The following RYR2 variants were observed in gnomAD, a reference collection of about 807,000 sequenced individuals.
RYR2 encodes cardiac muscle ryanodine receptor-calcium release channel.
In RYR2, 227 loss-of-function variants were observed where a neutral mutation model predicts 601.1. The observed-to-expected ratio is 0.38, with a 90% CI of 0.34 to 0.42. The LOEUF is 0.42. Ranked by LOEUF, RYR2 falls within the 10% of genes least tolerant of loss-of-function variation. RYR2 has a pLI of 1.00. For missense variants in RYR2, 4,646 were observed against 6,156.5 expected (o/e 0.75, Z 8.21); for synonymous variants, 2,223 against 2,175.1 (o/e 1.02, Z -0.61).
At chr1:237,248,933 T>C (rs1203853132) in intron 1 of RYR2, among the ~76,000 whole-genome samples, 2 of 152,002 alleles carry the variant, frequency 1.3e-5, no homozygotes, top group African/African-American at 4.8e-5. Context: ...GGCTAATGTT[T>C]TTTGTAGTTT....
intron 2 of RYR2, among the ~76,000 whole-genome samples, chr1:237,277,574 T>G (rs959811363): frequency 6.6e-6 from 1 of 152,186 alleles, no homozygotes; most frequent in East Asian, 1.9e-4. Context: ...CCACATAACC[T>G]GGCAACATAG....
At chr1:237,796,424 C>T (rs1439900947) in intron 96 of RYR2, among the ~76,000 whole-genome samples, 1 of 152,128 alleles carries the variant, frequency 6.6e-6, no homozygotes, top group Non-Finnish European at 1.5e-5. Flanking sequence ...AGAGAATCCC[C>T]CGGCTCAAAT....
chr1:237,416,759 C>CGGAGAG (rs1705032804), intron 10 of RYR2, among the ~76,000 whole-genome samples: 1 of 138,914 alleles, frequency 7.2e-6, no homozygotes, highest in Non-Finnish European at 1.6e-5. Flanking sequence ...AACACACACA[C>CGGAGAG]ACACAGAGAG....
At chr1:237,201,022 C>T (rs1418164815) in intron 1 of RYR2, among the ~76,000 whole-genome samples, 3 of 152,234 alleles carry the variant, frequency 2.0e-5, no homozygotes, top group Non-Finnish European at 1.5e-5. Flanking sequence ...CTCATTACTT[C>T]TATTCCTTCT....
intron 1 of RYR2, among the ~76,000 whole-genome samples, chr1:237,054,580 A>G (rs1400734363): frequency 6.6e-6 from 1 of 152,108 alleles, no homozygotes; most frequent in East Asian, 1.9e-4. Flanking sequence ...GAGTGGGTTT[A>G]TTCTTCTCAA....
At chr1:237,674,314 T>C in intron 59 of RYR2, 95 bp downstream of exon 59, 1 of 993,178 alleles carries the variant, frequency 1.0e-6, no homozygotes, top group Non-Finnish European at 1.5e-6. Flanking sequence ...AATTCAATGA[T>C]CTGTTTACAC....
intron 38 of RYR2, among the ~76,000 whole-genome samples, chr1:237,623,359 G>GTTTCTTTCTTTCTTTGTTTGTTTCTTTC (rs35848815): frequency 0.022 from 1,055 of 48,620 alleles, 107 homozygotes; most frequent in Non-Finnish European, 0.032. Flanking sequence ...GCCTTTCTTT[G>GTTTCTTTCTTTCTTTGTTTGTTTCTTTC]TTTCTTTCTT....
chr1:237,698,471 A>C (rs1211436673), intron 63 of RYR2, among the ~76,000 whole-genome samples: 1 of 152,102 alleles, frequency 6.6e-6, no homozygotes, highest in East Asian at 1.9e-4. Context: ...CAAGGAAATT[A>C]ATTTACCTTC....
chr1:237,698,827 C>G (rs1179221616), intron 63 of RYR2, 138 bp from the exon 64 acceptor site: 18 of 526,986 alleles, frequency 3.4e-5, no homozygotes, highest in Non-Finnish European at 5.4e-5. Flanking sequence ...TGCATGATTT[C>G]AAACTTGATT....
intron 80 of RYR2, among the ~76,000 whole-genome samples, chr1:237,744,192 A>G: frequency 6.6e-6 from 1 of 152,318 alleles, no homozygotes; most frequent in Non-Finnish European, 1.5e-5. Flanking sequence ...CATTTGCTAA[A>G]AGAAAACATT....
chr1:237,276,130 C>T (rs1033589190), intron 2 of RYR2, among the ~76,000 whole-genome samples: 12 of 152,160 alleles, frequency 7.9e-5, no homozygotes, highest in African/African-American at 2.2e-4. Flanking sequence ...GATGGAGTCT[C>T]GCTCTGTTGC....
intron 10 of RYR2, among the ~76,000 whole-genome samples, chr1:237,407,968 T>C (rs1389634495): frequency 6.6e-6 from 1 of 152,154 alleles, no homozygotes; most frequent in Non-Finnish European, 1.5e-5. Flanking sequence ...GCCAGTCCTT[T>C]CCCAGATATG....
At position 237,584,657 on chromosome 1, in the gene RYR2, T is replaced by TTTTTTG. The variant is rs1559066726; in HGVS notation, c.3599-5131_3599-5130insGTTTTT. The stretch of plus-strand genomic sequence containing the variant: ...AATCCAGCTCACCACCTGTTTTTTT[T>TTTTTTG]TTTTTTTTTTTTTTTTGAGACAGGG... On this transcript the variant is annotated intron_variant, in intron 29 of 104. Transcript: ENST00000366574. Among the ~76,000 whole-genome samples, 13 of 135,682 alleles carry TTTTTTG rather than the reference T, an allele frequency of 9.6e-5. 1 individual carries two copies. The highest frequency in any genetic ancestry group is 5.1e-4 in the South Asian group (2 of 3,942). The allele number at this position is 135,682 out of a possible 152,430, so 89.0% of individuals were successfully genotyped here. A position where few individuals can be genotyped will look rare whatever the true frequency, so the allele number is the denominator to read the frequency against.
Position 237,180,600 on chromosome 1 carries a change from A to G in RYR2, c.49-89897A>G, listed in dbSNP as rs369810982. Among the ~76,000 whole-genome samples, 19 of 123,862 alleles carry G rather than the reference A, an allele frequency of 1.5e-4. No homozygotes were observed. The highest frequency in any genetic ancestry group is 2.3e-4 in the Non-Finnish European group (14 of 59,878). 81.3% of individuals were successfully genotyped at this position (123,862 alleles called of 152,430 possible). A position where few individuals can be genotyped will look rare whatever the true frequency, so the allele number is the denominator to read the frequency against. On this transcript the variant is annotated intron_variant, in intron 1 of 104. Transcript: ENST00000366574. The surrounding 1 kb of genome is among the most constrained non-coding windows in gnomAD (Gnocchi z 5.3). ...TGTGTGTATATATGTATATATAAGT[A>G]TATATATGTATATATGTATATATGT...
At chr1:237,345,037 C>T (rs1698173917) in intron 3 of RYR2, among the ~76,000 whole-genome samples, 1 of 151,958 alleles carries the variant, frequency 6.6e-6, no homozygotes, top group African/African-American at 2.4e-5. Flanking sequence ...AATCCATCTC[C>T]CGACCTCGTG....
rs181962049 is a variant in RYR2, at chr1:237,361,403, G to A, written c.295-2955G>A. 1.3e-4 allele frequency among the ~76,000 whole-genome samples: 20 copies of A among 152,240 alleles called. 1 individual carries two copies. The South Asian group carries it at 3.1e-3, about 24-fold the overall frequency. ...GGTTGGAGACTTATGGAGAATCCTA[G>A]CATCTTGATACGTGGAGAGGAAAAG... On this transcript the variant is annotated intron_variant, in intron 4 of 104. Transcript: ENST00000366574.
At chr1:237,564,272 C>A (rs1671743578) in intron 27 of RYR2, among the ~76,000 whole-genome samples, 1 of 151,922 alleles carries the variant, frequency 6.6e-6, no homozygotes, top group Non-Finnish European at 1.5e-5. Context: ...GAGTTTCTTT[C>A]TTTCTTTCTT....
chr1:237,743,526 A>G, intron 80 of RYR2: 1 of 515,242 alleles, frequency 1.9e-6, no homozygotes, highest in South Asian at 1.4e-5. Flanking sequence ...AGTGCACAGC[A>G]TTTATAGTCT....
rs1426967066 is a variant in RYR2 at position 237,270,557 on chromosome 1, T to G, written c.109T>G (p.Leu37Val). Residue 37 changes from leucine to valine, a missense_variant, in exon 2 of 105, where the codon TTG becomes GTG. Coordinates refer to ENST00000366574, the MANE Select transcript of RYR2 (RefSeq NM_001035.3). The stretch of plus-strand genomic sequence containing the variant: ...CCACAAAGAACAACAGAAGCTATGC[T>G]TGGCAGCAGAAGGATTTGGCAACAG... ...TIHKEQQKLCLAAEGFGNRLC... is the reference protein window; with the variant it reads ...TIHKEQQKLCVAAEGFGNRLC... The G allele has an allele frequency of 1.3e-6, 2 of 1,599,320 alleles. No homozygotes were observed. The highest frequency in any genetic ancestry group is 2.3e-5 in the South Asian group (2 of 87,896).
Sources: gnomAD v4.1 joint callset for allele counts (sites outside exome capture counted in the v4.1 genomes callset) on GRCh38, gnomAD v4.1.1 for gene constraint, Gnocchi (gnomAD v3.1) non-coding constraint, MANE v1.5 for transcripts, NCBI Gene and HGNC (gene_info 2026-07-23, HGNC 2026-07-21) for gene names.